Variants in KY observed in about 807,000 individuals in gnomAD.
KY encodes kyphoscoliosis peptidase.
A neutral mutation model predicts 76.1 loss-of-function variants in KY; 43 were observed. The observed-to-expected ratio is 0.57, with a 90% CI of 0.44 to 0.73. The LOEUF is 0.73. Ranked by LOEUF, KY falls within the 30% of genes least tolerant of loss-of-function variation. The pLI is 0.00. For missense variants in KY, 722 were observed against 828.9 expected (o/e 0.87, Z 1.58); for synonymous variants, 277 against 326.2 (o/e 0.85, Z 1.63).
intron 8 of KY, chr3:134,615,542 T>A (rs769284458): frequency 6.6e-6 from 1 of 150,522 alleles, no homozygotes; most frequent in Non-Finnish European, 1.5e-5. Flanking sequence ...CCAGCTCTTT[T>A]GTAAATCAAG....
In KY at chr3:134,647,627, A is replaced by G. The variant is rs1577844558; in HGVS notation, c.137-130T>C. On this transcript the variant is annotated intron_variant, in intron 1 of 10. Coordinates refer to ENST00000423778, the MANE Select transcript of KY (RefSeq NM_178554.6). ...TCTTGGAATCTGAGAGAGGCTACCC[A>G]TGAATAAGATGCCCTTGAGGGAATG... 4 of 594,712 alleles carry G rather than the reference A, an allele frequency of 6.7e-6. No individual in the cohort carries two copies. The East Asian group carries it at 9.1e-5, about 14-fold the overall frequency. The allele number at this position is 594,712 out of a possible 1,614,324, so 36.8% of individuals were successfully genotyped here. A position where few individuals can be genotyped will look rare whatever the true frequency, so the allele number is the denominator to read the frequency against.
chr3:134,639,538 G>T (rs1377646473), intron 3 of KY, among the ~76,000 whole-genome samples: 1 of 152,184 alleles, frequency 6.6e-6, no homozygotes, highest in Non-Finnish European at 1.5e-5. Context: ...TGGAAACATG[G>T]CAGTTTGACC....
At position 134,603,982 on chromosome 3, in the gene KY, G is replaced by A; in HGVS notation, c.1583C>T (p.Pro528Leu). The A allele has an allele frequency of 6.2e-7, 1 of 1,613,898 alleles. No individual in the cohort carries two copies. Reference protein sequence around the residue: ...EKQTELKVQLPHAGKFALKIF... With the variant: ...EKQTELKVQLLHAGKFALKIF... ...CTTGAGGGCAAACTTGCCTGCATGG[G>A]GCAGCTGGACTTTCAGCTCGGTCTG... is the stretch of plus-strand genomic sequence containing the variant. The change falls in exon 11 of 11, where the codon CCC (proline) becomes CTC (leucine). Residue 528 changes from proline to leucine, a missense_variant. Pro to Leu is a moderately conservative substitution (Grantham distance 98). Around this residue, in one of 2 missense-constraint regions of KY, gnomAD observed 552 missense variants for 680.9 expected, o/e 0.81. Coordinates refer to ENST00000423778, the MANE Select transcript of KY (RefSeq NM_178554.6).
chr3:134,620,289 G>A (rs1007617709), intron 7 of KY, among the ~76,000 whole-genome samples: 2 of 152,214 alleles, frequency 1.3e-5, no homozygotes, highest in African/African-American at 4.8e-5. Flanking sequence ...TGTTGCTAGT[G>A]TGGGAGCAGG....
intron 9 of KY, among the ~76,000 whole-genome samples, chr3:134,609,086 T>G (rs1305342058): frequency 6.6e-6 from 1 of 152,176 alleles, no homozygotes; most frequent in Non-Finnish European, 1.5e-5. Context: ...CCCTAGGCTG[T>G]CGAGGGGAAA....
intron 8 of KY, among the ~76,000 whole-genome samples, chr3:134,617,525 A>C (rs913024513): frequency 1.3e-5 from 2 of 152,270 alleles, no homozygotes; most frequent in African/African-American, 4.8e-5. Context: ...TCCTGTATGC[A>C]CAGAACACAG....
intron 10 of KY, chr3:134,607,841 C>A (rs994651106): frequency 1.8e-5 from 18 of 988,064 alleles, no homozygotes; most frequent in Non-Finnish European, 2.2e-5. Flanking sequence ...GGCTGGGTCC[C>A]GCCTCCAGAA....
chr3:134,625,652 C>T (rs1343804852), intron 5 of KY, among the ~76,000 whole-genome samples: 3 of 152,206 alleles, frequency 2.0e-5, no homozygotes, highest in African/African-American at 4.8e-5. Context: ...ATGGAAAGGC[C>T]GGGCCATCTG....
intron 3 of KY, among the ~76,000 whole-genome samples, chr3:134,633,758 A>T (rs1445880679): frequency 1.3e-5 from 2 of 152,170 alleles, no homozygotes. Context: ...ACCCTGTGTA[A>T]TAAGACAAGA....
At position 134,604,077 on chromosome 3, in the gene KY, G is replaced by A. The variant is rs1283068447; in HGVS notation, c.1488C>T (p.Leu496=). 1 of 1,613,742 alleles carries A rather than the reference G, an allele frequency of 6.2e-7. No homozygotes were observed. Among genetic ancestry groups the A allele is most frequent in the Non-Finnish European group, 8.5e-7 (1 of 1,179,738 alleles). The change falls in exon 11 of 11, where the codon CTC becomes CTT. Residue 496 remains leucine (L), a synonymous_variant. Transcript: ENST00000423778. ...VEEGINVLAS[L]HGDDGPITEE... is the part of the protein sequence containing the mutation. ...CAGTGATGGGGCCATCATCCCCGTGGAGGGAAGCCAGGACATTAATGCCCT... is the reference window on the plus strand; with the variant it reads ...CAGTGATGGGGCCATCATCCCCGTGAAGGGAAGCCAGGACATTAATGCCCT...
chr3:134,636,058 G>A (rs1285287967), intron 3 of KY, among the ~76,000 whole-genome samples: 1 of 151,984 alleles, frequency 6.6e-6, no homozygotes, highest in Non-Finnish European at 1.5e-5. Flanking sequence ...TTACAGTTTT[G>A]CTATTAGAAA....
chr3:134,647,052 T>TA (rs1966526041), intron 2 of KY, among the ~76,000 whole-genome samples: 1 of 152,194 alleles, frequency 6.6e-6, no homozygotes. Context: ...CTTCAAGTCA[T>TA]ACTGTCCCAA....
chr3:134,644,046 C>T (rs1420776125), intron 2 of KY, among the ~76,000 whole-genome samples: 1 of 152,068 alleles, frequency 6.6e-6, no homozygotes, highest in Non-Finnish European at 1.5e-5. Context: ...AGGATGGTCT[C>T]GATCTCCTGA....
intron 3 of KY, 63 bp from the exon 4 acceptor site, chr3:134,629,758 T>C: frequency 1.1e-6 from 1 of 937,490 alleles, no homozygotes; most frequent in Non-Finnish European, 1.7e-6. Context: ...GAATGCCTCA[T>C]GACTGATGAT....
chr3:134,624,934 G>A, intron 6 of KY, 119 bp downstream of exon 6: 1 of 868,116 alleles, frequency 1.2e-6, no homozygotes, highest in East Asian at 2.6e-5. Flanking sequence ...AGGCATTCCA[G>A]GGCCATCCAA....
chr3:134,606,140 C>T (rs151142262), intron 10 of KY, among the ~76,000 whole-genome samples: 27 of 152,290 alleles, frequency 1.8e-4, no homozygotes, highest in Non-Finnish European at 2.9e-4. Context: ...TCACTGCTCA[C>T]GGCCCCTGGT....
At chr3:134,613,452 G>C (rs1225675890) in intron 8 of KY, among the ~76,000 whole-genome samples, 1 of 152,186 alleles carries the variant, frequency 6.6e-6, no homozygotes. Context: ...ATGTCCACCT[G>C]TACTGCTCTG....
rs936812868 is a variant in KY, at chr3:134,608,061, G to A, written c.1090+588C>T. ...CTAAGGAAGTCTGCCCCAACTCTCT[G>A]TCTTGGGTGGGACTGCCCCCACCTG... On this transcript the variant is annotated intron_variant, in intron 10 of 10. Coordinates refer to ENST00000423778, the MANE Select transcript of KY (RefSeq NM_178554.6). The A allele has an allele frequency of 9.2e-6, 10 of 1,084,866 alleles. No individual in the cohort carries two copies. The Admixed American group carries it at 4.3e-4, about 47-fold the overall frequency. 67.2% of individuals were successfully genotyped at this position (1,084,866 alleles called of 1,614,324 possible). A position where few individuals can be genotyped will look rare whatever the true frequency, so the allele number is the denominator to read the frequency against.
At position 134,638,781 on chromosome 3, in the gene KY, G is replaced by A. The variant is rs572507766; in HGVS notation, c.262+4535C>T. Among the ~76,000 whole-genome samples, 31 of 152,314 alleles carry A rather than the reference G, an allele frequency of 2.0e-4. No individual in the cohort carries two copies. In the South Asian group the frequency reaches 6.2e-3, roughly 31 times the overall value. On this transcript the variant is annotated intron_variant, in intron 3 of 10. Coordinates refer to ENST00000423778, the MANE Select transcript of KY (RefSeq NM_178554.6). ...CCAGATCTCTTCAGGTTTCAATCAG[G>A]ATTTATCTAAAGGCCTAATTGGCTC...
Sources: allele counts gnomAD v4.1 joint callset (sites outside exome capture counted in the v4.1 genomes callset), GRCh38; gene constraint gnomAD v4.1.1; regional missense constraint gnomAD v4.1.1; transcripts MANE v1.5; gene names NCBI Gene and HGNC (gene_info 2026-07-23, HGNC 2026-07-21).